Variants in GALNTL5 observed in about 807,000 individuals in gnomAD.
GALNTL5 encodes the protein inactive polypeptide N-acetylgalactosaminyltransferase-like protein 5.
In GALNTL5, 44 loss-of-function variants were observed where a neutral mutation model predicts 51.0. That is an observed-to-expected ratio of 0.86 (90% confidence interval 0.68 to 1.11). GALNTL5 has a LOEUF of 1.11. GALNTL5 is among the 50% of genes least tolerant of loss of function. The probability of loss-of-function intolerance (pLI) is 0.00; values close to 1 mark genes in which losing one functional copy is unlikely to be tolerated. For missense variants in GALNTL5, 528 were observed against 531.8 expected (o/e 0.99, Z 0.07); for synonymous variants, 192 against 182.8 (o/e 1.05, Z -0.41).
intron 2 of GALNTL5, among the ~76,000 whole-genome samples, chr7:151,968,512 C>T (rs1033090220): frequency 6.6e-6 from 1 of 152,186 alleles, no homozygotes; most frequent in South Asian, 2.1e-4. Flanking sequence ...GTGTGACACA[C>T]GACAGCCCCT....
intron 5 of GALNTL5, among the ~76,000 whole-genome samples, chr7:151,993,169 G>C (rs993604803): frequency 6.6e-6 from 1 of 151,774 alleles, no homozygotes; most frequent in Non-Finnish European, 1.5e-5. Context: ...AGGAGGTGGA[G>C]GCTGCAGTGA....
At chr7:151,980,872 A>T (rs1274611710) in intron 3 of GALNTL5, among the ~76,000 whole-genome samples, 1 of 143,218 alleles carries the variant, frequency 7.0e-6, no homozygotes, top group South Asian at 2.2e-4. Context: ...CAGCCTCCCA[A>T]GTAGCTGGGA....
Position 152,014,887 on chromosome 7 carries a change from T to C in GALNTL5, c.1176+94T>C, listed in dbSNP as rs1384577308. On this transcript the variant is annotated intron_variant, in intron 8 of 8. Coordinates refer to ENST00000392800, the MANE Select transcript of GALNTL5 (RefSeq NM_145292.4). ...GCTGCTGCCTTTCCAGATCCAGCGT[T>C]TGTTCTGGAGGTCATTATCCTAAGC... 30 of 1,226,560 alleles carry C rather than the reference T, an allele frequency of 2.4e-5. No individual in the cohort carries two copies. The East Asian group carries it at 7.0e-4, about 29-fold the overall frequency. The allele number at this position is 1,226,560 out of a possible 1,614,324, so 76.0% of individuals were successfully genotyped here.
intron 1 of GALNTL5, among the ~76,000 whole-genome samples, chr7:151,957,566 GAAAA>G (rs55766339): frequency 7.1e-6 from 1 of 141,574 alleles, no homozygotes; most frequent in African/African-American, 2.6e-5. Flanking sequence ...AAAAAGAAAA[GAAAA>G]AAAAAAAGAA....
At chr7:151,958,431 C>T (rs1203459388) in intron 1 of GALNTL5, among the ~76,000 whole-genome samples, 1 of 152,242 alleles carries the variant, frequency 6.6e-6, no homozygotes, top group African/African-American at 2.4e-5. Context: ...TTACAGCTCT[C>T]ACCTGGGGAG....
At chr7:151,987,613 C>CT (rs1350568844) in intron 5 of GALNTL5, among the ~76,000 whole-genome samples, 10 of 6,824 alleles carry the variant, frequency 1.5e-3, no homozygotes, top group East Asian at 3.2e-3. Context: ...GAGAGCAAGA[C>CT]TGGGGGTGGG....
intron 8 of GALNTL5, among the ~76,000 whole-genome samples, chr7:152,019,122 T>C (rs750090268): frequency 3.9e-5 from 6 of 152,178 alleles, no homozygotes; most frequent in South Asian, 4.1e-4. Flanking sequence ...CCAGGGGCTT[T>C]GCATGTCCCT....
rs556341148 is a variant in GALNTL5 at position 152,002,001 on chromosome 7, C to T, written c.659-713C>T. Among the ~76,000 whole-genome samples the T allele has an allele frequency of 2.0e-5, 3 of 152,286 alleles. No homozygotes were observed. In the South Asian group the frequency reaches 6.2e-4, roughly 32 times the overall value. ...TTAACCATGCCAATTATTCCCATGTCCTCTAAGCAGAATAGGTCCCCACTG... is the reference window on the plus strand; with the variant it reads ...TTAACCATGCCAATTATTCCCATGTTCTCTAAGCAGAATAGGTCCCCACTG... On this transcript the variant is annotated intron_variant, in intron 5 of 8. Transcript: ENST00000392800.
At chr7:151,958,632 G>C (rs1010708263) in intron 1 of GALNTL5, among the ~76,000 whole-genome samples, 13 of 92,786 alleles carry the variant, frequency 1.4e-4, no homozygotes, top group African/African-American at 6.8e-4. Context: ...CCAGCCCACT[G>C]GTGCTCCTAG....
chr7:151,990,264 G>A (rs534041161), intron 5 of GALNTL5, among the ~76,000 whole-genome samples: 3 of 151,842 alleles, frequency 2.0e-5, no homozygotes, highest in Admixed American at 6.6e-5. Context: ...GGCTAGTCTC[G>A]AACTCTTGGC....
intron 7 of GALNTL5, among the ~76,000 whole-genome samples, chr7:152,012,631 T>C (rs1379039157): frequency 1.3e-5 from 2 of 152,214 alleles, no homozygotes; most frequent in African/African-American, 2.4e-5. Context: ...TGTAGCACTT[T>C]CCACAATAAC....
chr7:152,012,684 G>A (rs1436123025), intron 7 of GALNTL5, among the ~76,000 whole-genome samples: 1 of 152,162 alleles, frequency 6.6e-6, no homozygotes, highest in Non-Finnish European at 1.5e-5. Flanking sequence ...CAGCGGACTG[G>A]GGCCAGGCAT....
At chr7:151,979,106 C>CTTTTTTT (rs397888897) in intron 3 of GALNTL5, among the ~76,000 whole-genome samples, 1 of 71,164 alleles carries the variant, frequency 1.4e-5, no homozygotes, top group African/African-American at 4.4e-5. Flanking sequence ...TACTTTTACT[C>CTTTTTTT]TTTTTTTTTT....
chr7:152,010,755 C>T (rs543731587), intron 7 of GALNTL5, among the ~76,000 whole-genome samples: 9 of 146,584 alleles, frequency 6.1e-5, no homozygotes, highest in African/African-American at 1.0e-4. Context: ...GCGGACAGAG[C>T]GAGACTCTGT....
rs796390975 is a variant in GALNTL5 at position 151,981,583 on chromosome 7, TTCCTTCCCTCCTTCCTTCCTTCCC to T, written c.369-1395_369-1372del. Reference sequence around the variant, plus strand: ...CTTCCTTCCTTCCTTCCTTCCTTCCTTCCTTCCCTCCTTCCTTCCTTCCCTCCTTCCTTCCTTCCTTCCTTCCTC... The same window carrying T: ...CTTCCTTCCTTCCTTCCTTCCTTCCTTCCTTCCTTCCTTCCTTCCTTCCTC... On this transcript the variant is annotated intron_variant, in intron 3 of 8. Coordinates refer to ENST00000392800, the MANE Select transcript of GALNTL5 (RefSeq NM_145292.4). Among the ~76,000 whole-genome samples the T allele has an allele frequency of 8.0e-3, 281 of 35,198 alleles. 5 individuals are homozygous for T. The highest frequency in any genetic ancestry group is 0.03 in the African/African-American group (260 of 8,650). The allele number at this position is 35,198 out of a possible 152,430, so 23.1% of individuals were successfully genotyped here.
intron 4 of GALNTL5, among the ~76,000 whole-genome samples, chr7:151,986,508 A>C (rs1027211649): frequency 1.8e-4 from 28 of 151,942 alleles, no homozygotes; most frequent in African/African-American, 6.3e-4. Flanking sequence ...TGTGGTGCAT[A>C]CCTGTAGTCC....
intron 5 of GALNTL5, 31 bp from the exon 6 acceptor site, chr7:152,002,683 G>A: frequency 6.2e-7 from 1 of 1,607,208 alleles, no homozygotes; most frequent in Non-Finnish European, 8.5e-7. Context: ...CAGCTATGTG[G>A]ACTAACATTG....
intron 1 of GALNTL5, among the ~76,000 whole-genome samples, chr7:151,958,500 C>T (rs995767451): frequency 6.6e-6 from 1 of 152,214 alleles, no homozygotes; most frequent in Non-Finnish European, 1.5e-5. Flanking sequence ...CTGCCACCTG[C>T]AGCATAGTGA....
intron 3 of GALNTL5, among the ~76,000 whole-genome samples, chr7:151,980,129 G>A (rs184246171): frequency 6.6e-5 from 10 of 152,058 alleles, no homozygotes; most frequent in African/African-American, 2.4e-4. Context: ...TGTTGCCCAG[G>A]CTGGAGTGCA....
Sources: gnomAD v4.1 joint callset for allele counts (sites outside exome capture counted in the v4.1 genomes callset) on GRCh38, gnomAD v4.1.1 for gene constraint, MANE v1.5 for transcripts, NCBI Gene and HGNC (gene_info 2026-07-23, HGNC 2026-07-21) for gene names.